Variants in PXDNL observed in about 807,000 individuals in gnomAD.
The protein encoded by PXDNL is probable oxidoreductase PXDNL.
In PXDNL, 145 loss-of-function variants were observed where a neutral mutation model predicts 150.8. That is an observed-to-expected ratio of 0.96 (90% CI 0.84 to 1.10). The LOEUF (loss-of-function observed/expected upper bound fraction) is 1.10, where lower values mean the gene tolerates loss of function less well. PXDNL is among the 50% of genes least tolerant of loss of function. The pLI, the probability that PXDNL is intolerant of heterozygous loss-of-function variation, is 0.00. For missense variants in PXDNL, 2,087 were observed against 1,873.9 expected (o/e 1.11, Z -2.10); for synonymous variants, 757 against 725.7 (o/e 1.04, Z -0.69).
intron 1 of PXDNL, among the ~76,000 whole-genome samples, chr8:51,685,644 A>G (rs541754528): frequency 6.6e-6 from 1 of 152,276 alleles, no homozygotes; most frequent in South Asian, 2.1e-4. Context: ...ACACACATAC[A>G]TACATATACA....
At position 51,483,646 on chromosome 8, in the gene PXDNL, C is replaced by G. The variant is rs1703713538; in HGVS notation, c.521G>C (p.Arg174Thr). The change falls in exon 6 of 23, where the codon AGA becomes ACA. Residue 174 changes from arginine to threonine, a missense_variant. Arg to Thr is a moderately conservative substitution (Grantham distance 71). Transcript: ENST00000356297. ...TAATGCACTTGCTTTCACTTACAATCTTTTTAATGAATCCAGATTAGAAAA... is the reference window on the plus strand; with the variant it reads ...TAATGCACTTGCTTTCACTTACAATGTTTTTAATGAATCCAGATTAGAAAA... ...GSFSNLDSLK[R>T]LRLDSNALVC... 6.6e-7 allele frequency: 1 copy of G among 1,510,646 alleles called. No homozygotes were observed. Among genetic ancestry groups the G allele is most frequent in the Non-Finnish European group, 9.0e-7 (1 of 1,113,876 alleles). 93.6% of individuals were successfully genotyped at this position (1,510,646 alleles called of 1,614,324 possible). A position where few individuals can be genotyped will look rare whatever the true frequency, so the allele number is the denominator to read the frequency against.
chr8:51,555,726 T>C (rs1812585183), intron 4 of PXDNL, among the ~76,000 whole-genome samples: 1 of 152,172 alleles, frequency 6.6e-6, no homozygotes. Context: ...AACTATCCCA[T>C]AGGTTGTCAT....
At chr8:51,598,061 A>G (rs1813613850) in intron 2 of PXDNL, among the ~76,000 whole-genome samples, 1 of 152,114 alleles carries the variant, frequency 6.6e-6, no homozygotes, top group African/African-American at 2.4e-5. Context: ...TAATTTATGT[A>G]TAAAAATGCT....
chr8:51,745,596 G>C (rs1056101824), intron 1 of PXDNL, among the ~76,000 whole-genome samples: 2 of 152,176 alleles, frequency 1.3e-5, no homozygotes, highest in African/African-American at 4.8e-5. Flanking sequence ...TGTTCCCAGA[G>C]TCATGTCTCC....
At chr8:51,639,254 G>T (rs904283594) in intron 2 of PXDNL, among the ~76,000 whole-genome samples, 1 of 152,168 alleles carries the variant, frequency 6.6e-6, no homozygotes, top group Non-Finnish European at 1.5e-5. Flanking sequence ...AAGCAAGAAA[G>T]ATCTAAAACT....
chr8:51,555,874 G>A (rs1423428089), intron 4 of PXDNL, among the ~76,000 whole-genome samples: 1 of 152,138 alleles, frequency 6.6e-6, no homozygotes, highest in Non-Finnish European at 1.5e-5. Flanking sequence ...TGATATTGAA[G>A]AATTCATATT....
chr8:51,367,956 C>T (rs955627512), intron 19 of PXDNL, among the ~76,000 whole-genome samples: 1 of 152,074 alleles, frequency 6.6e-6, no homozygotes, highest in Non-Finnish European at 1.5e-5. Flanking sequence ...GGAGAAACCA[C>T]GTCTGTACTA....
intron 4 of PXDNL, among the ~76,000 whole-genome samples, chr8:51,546,501 C>T (rs1812363451): frequency 6.6e-6 from 1 of 152,174 alleles, no homozygotes; most frequent in African/African-American, 2.4e-5. Flanking sequence ...AGCCTTACCT[C>T]ACAGAGGTCC....
chr8:51,755,577 C>G (rs575804323), intron 1 of PXDNL, among the ~76,000 whole-genome samples: 1 of 152,318 alleles, frequency 6.6e-6, no homozygotes, highest in East Asian at 1.9e-4. Context: ...CAGGCATTAG[C>G]CGCCATGCTC....
In PXDNL at chr8:51,472,249, G is replaced by C; in HGVS notation, c.750C>G (p.Thr250=). 6.2e-7 allele frequency: 1 copy of C among 1,613,562 alleles called. No individual in the cohort carries two copies. The highest frequency in any genetic ancestry group is 8.5e-7 in the Non-Finnish European group (1 of 1,179,644). ...CTTCCGCCCGGCAGGTGAAGTAGACGGTATTTCCTGATGGTACCTCCACAT... is the reference window on the plus strand; with the variant it reads ...CTTCCGCCCGGCAGGTGAAGTAGACCGTATTTCCTGATGGTACCTCCACAT... ...PQDVEVPSGN[T]VYFTCRAEGN... The change falls in exon 8 of 23, where the codon ACC becomes ACG. Residue 250 remains threonine, a synonymous_variant. Transcript: ENST00000356297.
At chr8:51,562,999 G>T (rs1406612187) in intron 3 of PXDNL, among the ~76,000 whole-genome samples, 1 of 151,914 alleles carries the variant, frequency 6.6e-6, no homozygotes, top group Non-Finnish European at 1.5e-5. Context: ...CCTGTGACAA[G>T]AAAGAAATAG....
chr8:51,801,218 C>G (rs992140540), intron 1 of PXDNL, among the ~76,000 whole-genome samples: 1 of 152,074 alleles, frequency 6.6e-6, no homozygotes, highest in South Asian at 2.1e-4. Context: ...GACTGAAATA[C>G]GCCCTGGTCT....
intron 8 of PXDNL, among the ~76,000 whole-genome samples, chr8:51,468,904 G>C (rs1027978276): frequency 3.3e-5 from 5 of 151,762 alleles, no homozygotes; most frequent in Admixed American, 2.6e-4. Flanking sequence ...CTTTAAAGTT[G>C]TTCAGTCCTT....
At chr8:51,367,056 A>G (rs28433454) in intron 19 of PXDNL, among the ~76,000 whole-genome samples, 1,708 of 140,994 alleles carry the variant, frequency 0.012, 28 homozygotes, top group African/African-American at 0.043. Flanking sequence ...AGCCGAGATC[A>G]CACCACTGCA....
At chr8:51,717,585 T>C (rs1178975082) in intron 1 of PXDNL, among the ~76,000 whole-genome samples, 1 of 152,012 alleles carries the variant, frequency 6.6e-6, no homozygotes, top group Non-Finnish European at 1.5e-5. Context: ...CAGCAGAAAA[T>C]GAAAGCCATG....
chr8:51,373,417 T>C (rs1807190126), intron 18 of PXDNL, among the ~76,000 whole-genome samples: 2 of 152,298 alleles, frequency 1.3e-5, no homozygotes, highest in African/African-American at 2.4e-5. Flanking sequence ...CTAATATATA[T>C]GGGGAAGACA....
At chr8:51,761,701 A>G (rs1376059787) in intron 1 of PXDNL, among the ~76,000 whole-genome samples, 1 of 152,190 alleles carries the variant, frequency 6.6e-6, no homozygotes, top group Non-Finnish European at 1.5e-5. Flanking sequence ...CCTTATCTGA[A>G]ATATTTCACT....
intron 19 of PXDNL, among the ~76,000 whole-genome samples, chr8:51,357,013 T>G (rs1806530424): frequency 1.3e-5 from 2 of 152,196 alleles, no homozygotes; most frequent in Non-Finnish European, 2.9e-5. Flanking sequence ...CTACTGTTTA[T>G]ATAAGCTCTG....
intron 17 of PXDNL, among the ~76,000 whole-genome samples, chr8:51,388,591 T>C (rs1209065950): frequency 6.6e-6 from 1 of 152,208 alleles, no homozygotes; most frequent in Non-Finnish European, 1.5e-5. Context: ...GTTCATTAAA[T>C]GTGAGGACTC....
Sources: gnomAD v4.1 joint callset for allele counts (sites outside exome capture counted in the v4.1 genomes callset) on GRCh38, gnomAD v4.1.1 for gene constraint, MANE v1.5 for transcripts, NCBI Gene and HGNC (gene_info 2026-07-23, HGNC 2026-07-21) for gene names.